The following GPR149 variants were observed in gnomAD, a reference collection of about 807,000 sequenced individuals.
The protein encoded by GPR149 is probable G protein-coupled receptor 149.
In GPR149, 50 loss-of-function variants were observed where a neutral mutation model predicts 50.2. The observed-to-expected ratio is 1.00, with a 90% CI of 0.79 to 1.26. The LOEUF is 1.26. GPR149 is among the 50% of genes most tolerant of loss of function. GPR149 has a pLI of 0.00. For synonymous variants in GPR149, 405 were observed against 358.2 expected (o/e 1.13, Z -1.48); for missense variants, 983 against 895.4 (o/e 1.10, Z -1.25).
At chr3:154,370,734 A>T (rs565540408) in intron 3 of GPR149, among the ~76,000 whole-genome samples, 18 of 152,248 alleles carry the variant, frequency 1.2e-4, no homozygotes, top group African/African-American at 3.9e-4. Context: ...TGGTCTTCTC[A>T]GTTTTAATCT....
rs1003423200 is a variant in GPR149 at position 154,413,625 on chromosome 3, A to C, written c.1623+7414T>G. Among the ~76,000 whole-genome samples the C allele has an allele frequency of 1.4e-4, 17 of 124,508 alleles. 1 individual carries two copies. The highest frequency in any genetic ancestry group is 1.1e-3 in the Admixed American group (12 of 10,546). 81.7% of individuals were successfully genotyped at this position (124,508 alleles called of 152,430 possible). A position where few individuals can be genotyped will look rare whatever the true frequency, so the allele number is the denominator to read the frequency against. On this transcript the variant is annotated intron_variant, in intron 3 of 3. Coordinates refer to ENST00000389740, the MANE Select transcript of GPR149 (RefSeq NM_001038705.3). ...GCAATGCCACCTCACATTTGCAAGA[A>C]TGGCCATGATTATAAAATAAAAAAA... is the stretch of plus-strand genomic sequence containing the variant.
At chr3:154,357,602 A>G (rs1170232333) in intron 3 of GPR149, among the ~76,000 whole-genome samples, 1 of 152,204 alleles carries the variant, frequency 6.6e-6, no homozygotes, top group African/African-American at 2.4e-5. Context: ...ACCATCTCAC[A>G]CCAGTTAGAA....
chr3:154,420,657 C>T (rs186460494), intron 3 of GPR149, among the ~76,000 whole-genome samples: 6 of 151,840 alleles, frequency 4.0e-5, no homozygotes, highest in Admixed American at 3.9e-4. Context: ...AATAAAACTT[C>T]CCTTGGAGAC....
chr3:154,364,668 T>A (rs554242835), intron 3 of GPR149, among the ~76,000 whole-genome samples: 2 of 152,324 alleles, frequency 1.3e-5, no homozygotes, highest in East Asian at 3.9e-4. Flanking sequence ...GAAAACAACG[T>A]TGAATATCAA....
chr3:154,417,411 C>G (rs1400972260), intron 3 of GPR149, among the ~76,000 whole-genome samples: 10 of 151,952 alleles, frequency 6.6e-5, no homozygotes, highest in Non-Finnish European at 4.4e-5. Flanking sequence ...GATATTCTCA[C>G]TCCTACCAGG....
intron 3 of GPR149, among the ~76,000 whole-genome samples, chr3:154,371,168 A>G (rs929590815): frequency 1.3e-5 from 2 of 152,220 alleles, no homozygotes; most frequent in African/African-American, 4.8e-5. Flanking sequence ...CTCAAGGTTT[A>G]GTAAGAAAAT....
intron 3 of GPR149, among the ~76,000 whole-genome samples, chr3:154,346,394 A>G (rs1021664537): frequency 4.2e-4 from 64 of 152,180 alleles, no homozygotes; most frequent in African/African-American, 1.5e-3. Flanking sequence ...ACCTTGTGTC[A>G]TTCTGTCATT....
At chr3:154,351,345 A>T (rs1714077954) in intron 3 of GPR149, among the ~76,000 whole-genome samples, 1 of 86,882 alleles carries the variant, frequency 1.2e-5, no homozygotes, top group African/African-American at 4.8e-5. Context: ...AAAAAAAAAA[A>T]TAACCAGCTA....
Position 154,429,235 on chromosome 3 carries a change from G to C in GPR149, c.381C>G (p.Val127=). The C allele has an allele frequency of 1.2e-6, 2 of 1,614,194 alleles. No individual in the cohort carries two copies. The highest frequency in any genetic ancestry group is 2.2e-5 in the East Asian group (1 of 44,860). Residue 127 remains valine (V), a synonymous_variant, in exon 1 of 4, where the codon GTC becomes GTG. Transcript: ENST00000389740. The stretch of plus-strand genomic sequence containing the variant: ...TGTGCATCGTATAAAAGTTGTAAGA[G>C]ACTAGGAGAGTCGCCTTCAAGTTGC... ...LSSNLKATLL[V]SYNFYTMHRG... is the part of the protein sequence containing the mutation.
intron 3 of GPR149, among the ~76,000 whole-genome samples, chr3:154,374,044 TAG>T (rs1714729872): frequency 6.6e-6 from 1 of 152,184 alleles, no homozygotes; most frequent in Non-Finnish European, 1.5e-5. Context: ...TTTGGGTGCT[TAG>T]AGTTTGTTTT....
intron 3 of GPR149, among the ~76,000 whole-genome samples, chr3:154,399,117 G>A (rs1715361724): frequency 6.6e-6 from 1 of 151,854 alleles, no homozygotes; most frequent in East Asian, 1.9e-4. Context: ...TTGGTTATTC[G>A]GAAGTTGGGC....
At chr3:154,351,293 G>A (rs1714070525) in intron 3 of GPR149, among the ~76,000 whole-genome samples, 3 of 103,026 alleles carry the variant, frequency 2.9e-5, no homozygotes, top group Admixed American at 1.5e-4. Context: ...ACAGTGCTAG[G>A]GCAATTAGAC....
rs1338304511 is a variant in GPR149 at position 154,428,959 on chromosome 3, C to A, written c.657G>T (p.Ser219=). ...TGGAGTGGAGTCTCGGCGGCTCCTC[C>A]GAACACAGCAATCGGTGAGTGAGTG... is the stretch of plus-strand genomic sequence containing the variant. ...SVPLTHRLLC[S]EEPPRLHSNY... Residue 219 remains serine (S), a synonymous_variant, in exon 1 of 4, where the codon TCG becomes TCT. Coordinates refer to ENST00000389740, the MANE Select transcript of GPR149 (RefSeq NM_001038705.3). 6.2e-7 allele frequency: 1 copy of A among 1,613,906 alleles called. No individual in the cohort carries two copies. Among genetic ancestry groups the A allele is most frequent in the African/African-American group, 1.3e-5 (1 of 74,902 alleles).
intron 3 of GPR149, among the ~76,000 whole-genome samples, chr3:154,349,950 T>C (rs1291965270): frequency 6.6e-6 from 1 of 152,172 alleles, no homozygotes; most frequent in Non-Finnish European, 1.5e-5. Flanking sequence ...CTTTACTTAT[T>C]TGAGATAGGG....
chr3:154,409,680 C>T (rs1187271811), intron 3 of GPR149, among the ~76,000 whole-genome samples: 1 of 151,878 alleles, frequency 6.6e-6, no homozygotes, highest in Non-Finnish European at 1.5e-5. Flanking sequence ...ATCAAAGATA[C>T]AGAAAAAAGA....
At chr3:154,424,168 A>T (rs1029930509) in intron 2 of GPR149, among the ~76,000 whole-genome samples, 5 of 151,912 alleles carry the variant, frequency 3.3e-5, no homozygotes, top group African/African-American at 9.7e-5. Flanking sequence ...AATTAAAATT[A>T]GTTTTAAGTA....
chr3:154,386,906 C>A (rs1715056458), intron 3 of GPR149, among the ~76,000 whole-genome samples: 1 of 152,068 alleles, frequency 6.6e-6, no homozygotes, highest in Non-Finnish European at 1.5e-5. Context: ...ATGTATTTCC[C>A]TCCTATTCAA....
intron 3 of GPR149, among the ~76,000 whole-genome samples, chr3:154,362,233 G>A (rs1429638515): frequency 7.0e-6 from 1 of 142,630 alleles, no homozygotes; most frequent in Non-Finnish European, 1.5e-5. Context: ...AGCCTGCAGT[G>A]AGCCGAGATC....
At chr3:154,375,114 C>T (rs1360406216) in intron 3 of GPR149, among the ~76,000 whole-genome samples, 1 of 152,052 alleles carries the variant, frequency 6.6e-6, no homozygotes, top group African/African-American at 2.4e-5. Context: ...GCTTCCCTTT[C>T]TTTCATTTTC....
Sources: gnomAD v4.1 joint callset for allele counts (sites outside exome capture counted in the v4.1 genomes callset) on GRCh38, gnomAD v4.1.1 for gene constraint, MANE v1.5 for transcripts, NCBI Gene and HGNC (gene_info 2026-07-23, HGNC 2026-07-21) for gene names.